SETBP1: variants seen among roughly 807,000 people sequenced by gnomAD.
SETBP1 encodes SET binding protein 1.
SETBP1 carries 9 observed loss-of-function variants against 101.0 expected under a neutral mutation model. The ratio of observed to expected loss-of-function variants is 0.09; its 90% confidence interval spans 0.05 to 0.16. The LOEUF is 0.16. SETBP1 is among the 10% of genes least tolerant of loss of function. SETBP1 has a pLI of 1.00. For synonymous variants in SETBP1, 818 were observed against 788.5 expected (o/e 1.04, Z -0.63); for missense variants, 1,858 against 2,033.8 (o/e 0.91, Z 1.66).
intron 4 of SETBP1, among the ~76,000 whole-genome samples, chr18:44,964,420 A>G (rs755460970): frequency 6.6e-6 from 1 of 152,102 alleles, no homozygotes; most frequent in Non-Finnish European, 1.5e-5. Context: ...CCTTTAGTAC[A>G]TGTGTCATAG....
intron 3 of SETBP1, among the ~76,000 whole-genome samples, chr18:44,896,967 A>G (rs1254241132): frequency 6.6e-6 from 1 of 152,196 alleles, no homozygotes; most frequent in Non-Finnish European, 1.5e-5. Context: ...GGGTTCTATC[A>G]AAACTGCAAG....
At chr18:45,029,481 A>C (rs2073243424) in intron 4 of SETBP1, among the ~76,000 whole-genome samples, 2 of 152,116 alleles carry the variant, frequency 1.3e-5, no homozygotes, top group African/African-American at 4.8e-5. Flanking sequence ...CTTAGGATTG[A>C]CTTGGCGATG....
intron 3 of SETBP1, chr18:44,877,101 A>G (rs1274187853): frequency 2.0e-6 from 2 of 1,015,596 alleles, no homozygotes; most frequent in African/African-American, 3.4e-5. Flanking sequence ...CAGCTATGCC[A>G]TGGATCTTTG....
At chr18:44,828,472 T>C (rs571854381) in intron 2 of SETBP1, among the ~76,000 whole-genome samples, 1 of 152,388 alleles carries the variant, frequency 6.6e-6, no homozygotes, top group Admixed American at 6.5e-5. Context: ...CAGGGGCAGC[T>C]GAGGGAATGA....
intron 2 of SETBP1, among the ~76,000 whole-genome samples, chr18:44,752,990 CA>C (rs1214600615): frequency 6.6e-6 from 1 of 152,218 alleles, no homozygotes; most frequent in Non-Finnish European, 1.5e-5. Context: ...CTCAAATCTA[CA>C]GATGAGGAAA....
At position 44,828,402 on chromosome 18, in the gene SETBP1, A is replaced by G. The variant is rs549099560; in HGVS notation, c.487-40828A>G. 3.3e-5 allele frequency among the ~76,000 whole-genome samples: 5 copies of G among 152,366 alleles called. No individual in the cohort carries two copies. The East Asian group carries it at 9.6e-4, about 29-fold the overall frequency. ...TTCTTGAACCATCAGTCATTATTCAATGTAGTAGATGAAAATTCAGATACT... is the reference window on the plus strand; with the variant it reads ...TTCTTGAACCATCAGTCATTATTCAGTGTAGTAGATGAAAATTCAGATACT... On this transcript the variant is annotated intron_variant, in intron 2 of 5. Transcript: ENST00000649279.
chr18:44,892,892 A>G (rs2069805538), intron 3 of SETBP1, among the ~76,000 whole-genome samples: 1 of 152,110 alleles, frequency 6.6e-6, no homozygotes, highest in Non-Finnish European at 1.5e-5. Flanking sequence ...ACCTTCTCCT[A>G]GAATAGATTT....
intron 2 of SETBP1, among the ~76,000 whole-genome samples, chr18:44,858,331 A>G (rs926634529): frequency 5.3e-5 from 8 of 152,234 alleles, no homozygotes; most frequent in Non-Finnish European, 7.3e-5. Context: ...TTGCAATGCC[A>G]GTAACACTAA....
At chr18:44,781,941 C>T (rs941120187) in intron 2 of SETBP1, among the ~76,000 whole-genome samples, 1 of 152,224 alleles carries the variant, frequency 6.6e-6, no homozygotes, top group Non-Finnish European at 1.5e-5. Context: ...AAACACAACT[C>T]TCACTATTTG....
intron 4 of SETBP1, among the ~76,000 whole-genome samples, chr18:44,955,156 G>A (rs2071455082): frequency 6.6e-6 from 1 of 152,206 alleles, no homozygotes; most frequent in African/African-American, 2.4e-5. Flanking sequence ...AGTGCTGGTT[G>A]ACTTCATAAA....
intron 2 of SETBP1, among the ~76,000 whole-genome samples, chr18:44,735,793 G>C (rs1293041660): frequency 6.6e-6 from 1 of 152,246 alleles, no homozygotes; most frequent in Non-Finnish European, 1.5e-5. Flanking sequence ...GCCAGGGACA[G>C]AATGGTATAA....
At chr18:44,944,068 A>AAT (rs2071148720) in intron 3 of SETBP1, among the ~76,000 whole-genome samples, 1 of 151,958 alleles carries the variant, frequency 6.6e-6, no homozygotes, top group South Asian at 2.1e-4. Flanking sequence ...TTCTGACCTC[A>AAT]AGTGATCCAC....
intron 3 of SETBP1, among the ~76,000 whole-genome samples, chr18:44,890,453 T>C (rs1043233845): frequency 1.3e-5 from 2 of 152,162 alleles, no homozygotes; most frequent in South Asian, 2.1e-4. Flanking sequence ...TAGGAAACTC[T>C]AGCAGATGGG....
chr18:44,835,189 G>A (rs1010648832), intron 2 of SETBP1, among the ~76,000 whole-genome samples: 3 of 152,118 alleles, frequency 2.0e-5, no homozygotes, highest in Admixed American at 6.5e-5. Context: ...TCACAGAGGA[G>A]TAGCCATGCA....
intron 4 of SETBP1, among the ~76,000 whole-genome samples, chr18:45,035,674 G>T (rs2073381714): frequency 1.3e-5 from 2 of 152,176 alleles, no homozygotes; most frequent in Admixed American, 6.5e-5. Context: ...TTTAAACAAA[G>T]AATTACTTTC....
chr18:44,929,449 T>C (rs1407172810), intron 3 of SETBP1, among the ~76,000 whole-genome samples: 1 of 152,172 alleles, frequency 6.6e-6, no homozygotes, highest in African/African-American at 2.4e-5. Context: ...AACTTTAAAG[T>C]AGTTTTTTCC....
chr18:44,820,333 G>A (rs978760205), intron 2 of SETBP1, among the ~76,000 whole-genome samples: 8 of 152,348 alleles, frequency 5.3e-5, no homozygotes, highest in Non-Finnish European at 8.8e-5. Flanking sequence ...CCAGAATGGA[G>A]TGAAGACATC....
intron 2 of SETBP1, among the ~76,000 whole-genome samples, chr18:44,728,814 G>A (rs897555073): frequency 1.3e-5 from 2 of 152,168 alleles, no homozygotes; most frequent in African/African-American, 4.8e-5. Context: ...AGAGGCATGG[G>A]TGATGAAATG....
chr18:44,687,254 G>C (rs1021636228), intron 1 of SETBP1, among the ~76,000 whole-genome samples: 1 of 152,142 alleles, frequency 6.6e-6, no homozygotes. Flanking sequence ...AGTTTGGAGT[G>C]GTATAGAGTG....
Sources: allele counts gnomAD v4.1 joint callset (sites outside exome capture counted in the v4.1 genomes callset), GRCh38; gene constraint gnomAD v4.1.1; transcripts MANE v1.5; gene names NCBI Gene and HGNC (gene_info 2026-07-23, HGNC 2026-07-21).